Variants in PRKCB observed in about 807,000 individuals in gnomAD.
The protein encoded by PRKCB is protein kinase C beta type.
In PRKCB, 13 loss-of-function variants were observed where a neutral mutation model predicts 81.5. The ratio of observed to expected loss-of-function variants is 0.16; its 90% CI spans 0.10 to 0.25. The LOEUF is 0.25. Among genes scored for constraint, PRKCB ranks in the 10% least tolerant of loss-of-function variants. The pLI, the probability that PRKCB is intolerant of heterozygous loss-of-function variation, is 1.00. For missense variants in PRKCB, 509 were observed against 875.7 expected, an observed-to-expected ratio of 0.58 and a Z score of 5.29; for synonymous variants, 335 against 321.4, an observed-to-expected ratio of 1.04 and a Z score of -0.45.
intron 2 of PRKCB, among the ~76,000 whole-genome samples, chr16:23,866,798 G>T (rs8044722): frequency 0.39 from 59,982 of 152,000 alleles, 12,164 homozygotes; most frequent in South Asian, 0.58. Flanking sequence ...CACCAGCAGT[G>T]TGTGTTTCCG....
At chr16:24,109,572 C>T (rs538967424) in intron 7 of PRKCB, among the ~76,000 whole-genome samples, 1 of 128,114 alleles carries the variant, frequency 7.8e-6, no homozygotes, top group Admixed American at 7.3e-5. Context: ...AGGTGCTCCT[C>T]ACTTCCTAGG....
chr16:24,107,135 A>C (rs1966589205), intron 7 of PRKCB, among the ~76,000 whole-genome samples: 1 of 152,208 alleles, frequency 6.6e-6, no homozygotes, highest in South Asian at 2.1e-4. Flanking sequence ...TTCAGTGATT[A>C]TATTTTTCTT....
intron 3 of PRKCB, among the ~76,000 whole-genome samples, chr16:24,007,529 T>C (rs895108347): frequency 1.3e-5 from 2 of 152,206 alleles, no homozygotes; most frequent in South Asian, 2.1e-4. Flanking sequence ...AGAACCCGCT[T>C]GTAAAGGTCA....
chr16:23,952,245 T>A (rs755270187), intron 2 of PRKCB, among the ~76,000 whole-genome samples: 1 of 152,290 alleles, frequency 6.6e-6, no homozygotes, highest in Middle Eastern at 3.4e-3. Context: ...TCAAAAGCCC[T>A]GAGCAGAGAA....
Position 24,205,199 on chromosome 16 carries a change from G to C in PRKCB, c.1864-9459G>C, listed in dbSNP as rs112886785. On this transcript the variant is annotated intron_variant, in intron 16 of 16. Coordinates refer to ENST00000643927, the MANE Select transcript of PRKCB (RefSeq NM_002738.7). The stretch of plus-strand genomic sequence containing the variant: ...AGGGTCTTACTCTGTTACCCAGGCT[G>C]AAGTGAAGTGGAACAGTCATAGCTC... Among the ~76,000 whole-genome samples the C allele has an allele frequency of 4.8e-3, 670 of 140,640 alleles. 4 individuals carry two copies. The highest frequency in any genetic ancestry group is 0.017 in the African/African-American group (642 of 37,594). The allele number at this position is 140,640 out of a possible 152,430, so 92.3% of individuals were successfully genotyped here.
chr16:24,137,096 C>G (rs1181694536), intron 9 of PRKCB, among the ~76,000 whole-genome samples: 1 of 150,370 alleles, frequency 6.7e-6, no homozygotes, highest in African/African-American at 2.5e-5. Context: ...ACCATGTTGG[C>G]CAGGCTAGTC....
chr16:24,077,894 A>G (rs951185810), intron 5 of PRKCB, among the ~76,000 whole-genome samples: 3 of 152,214 alleles, frequency 2.0e-5, no homozygotes, highest in Admixed American at 2.0e-4. Context: ...GGGCTCTTCT[A>G]TCAAAGCAGG....
In PRKCB at chr16:24,115,236, C is replaced by A. The variant is rs997471632; in HGVS notation, c.918+2167C>A. Among the ~76,000 whole-genome samples, 2 of 149,070 alleles carry A rather than the reference C, an allele frequency of 1.3e-5. 1 individual carries two copies. The highest frequency in any genetic ancestry group is 4.9e-5 in the African/African-American group (2 of 41,150). ...AGAGTATTTATCCCAAGGACTTTAG[C>A]ATTTATCCCAAGAGTATTTATCCCA... On this transcript the variant is annotated intron_variant, in intron 8 of 16. Transcript: ENST00000643927.
At chr16:23,923,870 A>G (rs956024942) in intron 2 of PRKCB, among the ~76,000 whole-genome samples, 1 of 152,116 alleles carries the variant, frequency 6.6e-6, no homozygotes, top group Non-Finnish European at 1.5e-5. Context: ...ACCCAATAGA[A>G]GCACACCAAC....
intron 3 of PRKCB, among the ~76,000 whole-genome samples, chr16:24,023,943 C>T (rs939579765): frequency 6.6e-6 from 1 of 152,210 alleles, no homozygotes; most frequent in Non-Finnish European, 1.5e-5. Flanking sequence ...GATATCTTGA[C>T]TCACCCCTGG....
rs190118664 is a variant in PRKCB, at chr16:23,953,122, A to G, written c.206-35386A>G. Among the ~76,000 whole-genome samples, 3 of 152,180 alleles carry G rather than the reference A, an allele frequency of 2.0e-5. No individual in the cohort carries two copies. The East Asian group carries it at 5.8e-4, about 29-fold the overall frequency. ...TCCTCCCTGTTTTACGGAGACACAG[A>G]GTGTTTGATCTACTTGCTTGAAGGT... On this transcript the variant is annotated intron_variant, in intron 2 of 16. Coordinates refer to ENST00000643927, the MANE Select transcript of PRKCB (RefSeq NM_002738.7).
At chr16:23,987,896 G>A (rs1475160493) in intron 2 of PRKCB, among the ~76,000 whole-genome samples, 1 of 152,202 alleles carries the variant, frequency 6.6e-6, no homozygotes, top group Non-Finnish European at 1.5e-5. Flanking sequence ...CCATACCATA[G>A]ATGCATTAAA....
intron 3 of PRKCB, among the ~76,000 whole-genome samples, chr16:24,030,249 A>G (rs948529297): frequency 2.6e-5 from 4 of 152,228 alleles, no homozygotes; most frequent in Non-Finnish European, 5.9e-5. Flanking sequence ...CTCTTGAACT[A>G]AAACCAATTC....
chr16:24,154,988 C>T (rs1967135602), intron 10 of PRKCB, 131 bp downstream of exon 10: 2 of 1,118,538 alleles, frequency 1.8e-6, no homozygotes, highest in Non-Finnish European at 2.5e-6. Flanking sequence ...GATGTAAGGC[C>T]CAGGGAAGTC....
At chr16:24,112,073 A>T (rs1373085897) in intron 7 of PRKCB, among the ~76,000 whole-genome samples, 1 of 152,212 alleles carries the variant, frequency 6.6e-6, no homozygotes, top group Admixed American at 6.5e-5. Context: ...CCACTAAGGG[A>T]TGCCGTTTCT....
chr16:23,904,415 C>A (rs1963526362), intron 2 of PRKCB, among the ~76,000 whole-genome samples: 1 of 152,178 alleles, frequency 6.6e-6, no homozygotes, highest in Non-Finnish European at 1.5e-5. Flanking sequence ...GTAATCCCAG[C>A]ACTTTGGGAG....
rs1349753752 is a variant in PRKCB at position 24,151,731 on chromosome 16, T to G, written c.1066-2953T>G. The G allele has an allele frequency of 3.3e-5, 15 of 449,530 alleles. No homozygotes were observed. The Admixed American group carries it at 3.5e-4, about 11-fold the overall frequency. 27.8% of individuals were successfully genotyped at this position (449,530 alleles called of 1,614,324 possible). On this transcript the variant is annotated intron_variant, in intron 9 of 16. Transcript: ENST00000643927. ...GGATGTGGTCATGGAATTGTTTGGC[T>G]TTCAAGAGCCACTGAAGGGCTTTCA...
Position 24,218,913 on chromosome 16 carries a change from G to C in PRKCB, c.*4097G>C, listed in dbSNP as rs1028465321. The C allele has an allele frequency of 1.0e-6, 1 of 985,346 alleles. No individual in the cohort carries two copies. Among genetic ancestry groups the C allele is most frequent in the Admixed American group, 6.1e-5 (1 of 16,270 alleles). 61.0% of individuals were successfully genotyped at this position (985,346 alleles called of 1,614,324 possible). On this transcript the variant is annotated 3_prime_UTR_variant, in exon 17 of 17. Coordinates refer to ENST00000643927, the MANE Select transcript of PRKCB (RefSeq NM_002738.7). ...GGCCTACATAGCAGCGATGTGGTCA[G>C]GTAAAAATCAGGAACCCACTGAAAT...
At chr16:24,154,656 G>T in intron 9 of PRKCB, 28 bp from the exon 10 acceptor site, 1 of 1,612,300 alleles carries the variant, frequency 6.2e-7, no homozygotes, top group Non-Finnish European at 8.5e-7. Flanking sequence ...CCTTCCAACT[G>T]CCCTGACATG....
Sources: gnomAD v4.1 joint callset for allele counts (sites outside exome capture counted in the v4.1 genomes callset) on GRCh38, gnomAD v4.1.1 for gene constraint, MANE v1.5 for transcripts, NCBI Gene and HGNC (gene_info 2026-07-23, HGNC 2026-07-21) for gene names.